Variants in FLNB observed in about 807,000 individuals in gnomAD.
The protein encoded by FLNB is filamin-B.
FLNB carries 111 observed loss-of-function variants against 250.6 expected under a neutral mutation model. The observed-to-expected ratio is 0.44, with a 90% confidence interval of 0.38 to 0.52. The LOEUF is 0.52. FLNB is among the 20% of genes least tolerant of loss of function. The probability of loss-of-function intolerance (pLI) is 0.00; values close to 1 mark genes in which losing one functional copy is unlikely to be tolerated. For synonymous variants in FLNB, 1,302 were observed against 1,372.1 expected (o/e 0.95, Z 1.13); for missense variants, 2,869 against 3,447.8 (o/e 0.83, Z 4.20).
chr3:58,121,987 G>A (rs967771906), intron 20 of FLNB, among the ~76,000 whole-genome samples: 3 of 151,596 alleles, frequency 2.0e-5, no homozygotes, highest in African/African-American at 7.3e-5. Flanking sequence ...GGCTACCACG[G>A]TGAAACCCCG....
chr3:58,095,225 G>GTATTTATTTATTTATTTATTTATT (rs200336490), intron 5 of FLNB, among the ~76,000 whole-genome samples: 48 of 96,068 alleles, frequency 5.0e-4, no homozygotes, highest in African/African-American at 1.3e-3. Flanking sequence ...TGAGGTTTAT[G>GTATTTATTTATTTATTTATTTATT]TATGTATTTA....
intron 1 of FLNB, among the ~76,000 whole-genome samples, chr3:58,051,590 G>A (rs2097162480): frequency 6.6e-6 from 1 of 152,182 alleles, no homozygotes; most frequent in Non-Finnish European, 1.5e-5. Flanking sequence ...TCCGAAGGTA[G>A]ACCCAGCTGG....
rs1276488482 is a variant in FLNB, at chr3:58,169,678, T to C, written c.7506T>C (p.Tyr2502=). The C allele has an allele frequency of 6.2e-7, 1 of 1,614,074 alleles. No homozygotes were observed. The highest frequency in any genetic ancestry group is 1.1e-5 in the South Asian group (1 of 91,080). Residue 2502 remains tyrosine, a synonymous_variant, in exon 45 of 46, where the codon TAT becomes TAC. Transcript: ENST00000295956. This position sits in a 1 kb window ranked among gnomAD's most constrained non-coding sequence, Gnocchi z 4.8. ...SVTRSSTETC[Y]SAIPKASSDA... is the part of the protein sequence containing the mutation. ...CCAGGTCGTCTACAGAGACCTGCTA[T>C]AGCGCCATTCCCAAGGCATCCTCGG...
chr3:58,010,207 C>T (rs1043826565), intron 1 of FLNB, among the ~76,000 whole-genome samples: 1 of 152,140 alleles, frequency 6.6e-6, no homozygotes, highest in African/African-American at 2.4e-5. Context: ...TGGCCCTGGC[C>T]TGTGATTTGG....
At chr3:58,041,355 G>A (rs1488346648) in intron 1 of FLNB, among the ~76,000 whole-genome samples, 1 of 152,222 alleles carries the variant, frequency 6.6e-6, no homozygotes, top group African/African-American at 2.4e-5. Context: ...CAGCCAGTGT[G>A]TGCATTGTCT....
At chr3:58,154,608 C>A in intron 39 of FLNB, 183 bp from the exon 40 acceptor site, 2 of 590,910 alleles carry the variant, frequency 3.4e-6, no homozygotes, top group East Asian at 3.0e-5. Flanking sequence ...TTAGTTATCA[C>A]TAGTGATGCT....
chr3:58,119,176 G>A (rs1436098937), intron 19 of FLNB, among the ~76,000 whole-genome samples, 187 bp downstream of exon 19: 1 of 152,056 alleles, frequency 6.6e-6, no homozygotes, highest in African/African-American at 2.4e-5. Flanking sequence ...CTGCCCCTTA[G>A]CCACACCGAG....
In FLNB at chr3:58,070,660, CTTTTTTTT is replaced by C. The variant is rs1202591087; in HGVS notation, c.293-6376_293-6369del. 1.2e-4 allele frequency among the ~76,000 whole-genome samples: 11 copies of C among 89,664 alleles called. 1 individual carries two copies. In the South Asian group the frequency reaches 3.3e-3, roughly 27 times the overall value. The allele number at this position is 89,664 out of a possible 152,430, so 58.8% of individuals were successfully genotyped here. A position where few individuals can be genotyped will look rare whatever the true frequency, so the allele number is the denominator to read the frequency against. On this transcript the variant is annotated intron_variant, in intron 1 of 45. Transcript: ENST00000295956. Reference sequence around the variant, plus strand: ...ACACACCCCATCTCTCTCTCTCTCTCTTTTTTTTTTTTTTTTTGAAACGGAGTCTCACT... The same window carrying C: ...ACACACCCCATCTCTCTCTCTCTCTCTTTTTTTTTGAAACGGAGTCTCACT...
chr3:58,039,788 G>T (rs1357437854), intron 1 of FLNB, among the ~76,000 whole-genome samples: 2 of 152,140 alleles, frequency 1.3e-5, no homozygotes, highest in Non-Finnish European at 2.9e-5. Flanking sequence ...GGGTGGTGGG[G>T]AGGGTAGCAC....
intron 43 of FLNB, among the ~76,000 whole-genome samples, chr3:58,167,133 A>G (rs1190762248): frequency 6.6e-6 from 1 of 152,218 alleles, no homozygotes; most frequent in African/African-American, 2.4e-5. Context: ...ATCTCAATCA[A>G]TCAATCAATA....
At chr3:58,158,903 T>C (rs548944126) in intron 41 of FLNB, among the ~76,000 whole-genome samples, 1 of 152,276 alleles carries the variant, frequency 6.6e-6, no homozygotes, top group Non-Finnish European at 1.5e-5. Flanking sequence ...GATAAATGTT[T>C]TGCATGCACA....
Position 58,123,603 on chromosome 3 carries a change from G to A in FLNB, c.3637G>A (p.Val1213Met), listed in dbSNP as rs760397310. 1.9e-6 allele frequency: 3 copies of A among 1,612,250 alleles called. No individual in the cohort carries two copies. Among genetic ancestry groups the A allele is most frequent in the African/African-American group, 1.3e-5 (1 of 74,662 alleles). ...TLTMKYGGEL[V>M]PHFPARVKVE... is the part of the protein sequence containing the mutation. The stretch of plus-strand genomic sequence containing the variant: ...GACCATGAAGTATGGTGGCGAACTC[G>A]TGCCACACTTCCCCGCCCGGGTCAA... The change falls in exon 21 of 46, where the codon GTG becomes ATG. Residue 1213 changes from valine (V) to methionine (M), a missense_variant. This residue lies in a region of FLNB where 1,348 missense variants were observed against 1,466.7 expected (regional missense o/e 0.92). Transcript: ENST00000295956.
intron 4 of FLNB, among the ~76,000 whole-genome samples, chr3:58,082,343 C>CT (rs2097210396): frequency 1.3e-5 from 2 of 152,174 alleles, no homozygotes; most frequent in African/African-American, 4.8e-5. Flanking sequence ...TTCAAGCACA[C>CT]TAGCTTTGTG....
intron 1 of FLNB, among the ~76,000 whole-genome samples, chr3:58,025,014 C>CT (rs60873331): frequency 6.0e-4 from 81 of 134,880 alleles, no homozygotes; most frequent in East Asian, 1.3e-3. Context: ...CCCAGCCTTC[C>CT]TTTTTTTTTT....
chr3:58,108,906 T>C (rs928762885), intron 13 of FLNB, among the ~76,000 whole-genome samples: 5 of 152,200 alleles, frequency 3.3e-5, no homozygotes, highest in African/African-American at 1.2e-4. Context: ...TTTAATCTAA[T>C]TGAATTTGGC....
rs1261455537 is a variant in FLNB, at chr3:58,164,734, G to A, written c.7198+1404G>A. ...CTCCACGCTGAACTCTGGGCCTGCGGCTTGCCTTTTGTGAAAGGCATGGTA... is the reference window on the plus strand; with the variant it reads ...CTCCACGCTGAACTCTGGGCCTGCGACTTGCCTTTTGTGAAAGGCATGGTA... On this transcript the variant is annotated intron_variant, in intron 43 of 45. Coordinates refer to ENST00000295956, the MANE Select transcript of FLNB (RefSeq NM_001457.4). This position sits in a 1 kb window ranked among gnomAD's most constrained non-coding sequence, Gnocchi z 4.0. 1 of 152,174 alleles carries A rather than the reference G, an allele frequency of 6.6e-6. No individual in the cohort carries two copies. The highest frequency in any genetic ancestry group is 1.9e-4 in the East Asian group (1 of 5,188). 9.4% of individuals were successfully genotyped at this position (152,174 alleles called of 1,614,324 possible).
chr3:58,049,873 A>G (rs778420172), intron 1 of FLNB, among the ~76,000 whole-genome samples: 1 of 152,112 alleles, frequency 6.6e-6, no homozygotes, highest in Non-Finnish European at 1.5e-5. Flanking sequence ...GAAAACGTGT[A>G]ATCTGTGGGC....
At chr3:58,094,006 T>C (rs1399424826) in intron 4 of FLNB, among the ~76,000 whole-genome samples, 1 of 152,228 alleles carries the variant, frequency 6.6e-6, no homozygotes, top group African/African-American at 2.4e-5. Flanking sequence ...GAGGGCTCCC[T>C]GTGCTAAAGG....
chr3:58,132,020 G>T (rs1050889765), intron 25 of FLNB: 6 of 1,530,724 alleles, frequency 3.9e-6, no homozygotes, highest in Non-Finnish European at 4.4e-6. Context: ...AATAAGACAG[G>T]TTTGCATTTT....
Sources: gnomAD v4.1 joint callset for allele counts (sites outside exome capture counted in the v4.1 genomes callset) on GRCh38, gnomAD v4.1.1 for gene constraint, gnomAD v4.1.1 regional missense constraint, Gnocchi (gnomAD v3.1) non-coding constraint, MANE v1.5 for transcripts, NCBI Gene and HGNC (gene_info 2026-07-23, HGNC 2026-07-21) for gene names.